Variants in DIAPH2 observed in about 807,000 individuals in gnomAD.
DIAPH2 encodes protein diaphanous homolog 2.
A neutral mutation model predicts 92.7 loss-of-function variants in DIAPH2; 35 were observed. The observed-to-expected ratio is 0.38, with a 90% CI of 0.29 to 0.50. DIAPH2 has a LOEUF of 0.50. DIAPH2 is among the 20% of genes least tolerant of loss of function. The probability of loss-of-function intolerance (pLI) is 0.94; values close to 1 mark genes in which losing one functional copy is unlikely to be tolerated. For missense variants in DIAPH2, 701 were observed against 819.5 expected (o/e 0.86, Z 1.77); for synonymous variants, 301 against 280.4 (o/e 1.07, Z -0.73).
intron 4 of DIAPH2, among the ~76,000 whole-genome samples, chrX:96,834,827 T>C (rs974171075): frequency 1.8e-5 from 2 of 111,720 alleles, no homozygotes; most frequent in South Asian, 3.7e-4. Context: ...GAAGGAGTTA[T>C]AAACATTGCC....
intron 24 of DIAPH2, among the ~76,000 whole-genome samples, chrX:97,373,826 C>T (rs188876954): frequency 3.7e-3 from 409 of 109,126 alleles, no homozygotes; most frequent in African/African-American, 0.013. Context: ...GGTTTCAAAC[C>T]CCTGACCTCA....
rs553157512 is a variant in DIAPH2, at chrX:97,303,013, A to G, written c.2845-45103A>G. On this transcript the variant is annotated intron_variant, in intron 23 of 26. Coordinates refer to ENST00000324765, the MANE Select transcript of DIAPH2 (RefSeq NM_006729.5). ...ACAAAAGATATCTCCTATACCTTGCATAAGCAAATGATGTGAGGAAAACTT... is the reference window on the plus strand; with the variant it reads ...ACAAAAGATATCTCCTATACCTTGCGTAAGCAAATGATGTGAGGAAAACTT... 1.3e-4 allele frequency among the ~76,000 whole-genome samples: 15 copies of G among 112,611 alleles called. No homozygotes were observed. The South Asian group carries it at 4.4e-3, about 33-fold the overall frequency.
At chrX:96,954,278 G>A (rs762093748) in intron 15 of DIAPH2, 41 of 112,231 alleles carry the variant, frequency 3.7e-4, no homozygotes, top group African/African-American at 1.3e-3. Context: ...GTGTTCATTG[G>A]TAGTGGTTTC....
At chrX:97,221,818 G>T (rs748833133) in intron 22 of DIAPH2, among the ~76,000 whole-genome samples, 5 of 109,115 alleles carry the variant, frequency 4.6e-5, no homozygotes, top group African/African-American at 6.7e-5. Flanking sequence ...CACTTTTCCC[G>T]CAATTTAACA....
chrX:97,031,395 T>A (rs899593673), intron 17 of DIAPH2, among the ~76,000 whole-genome samples: 1 of 110,319 alleles, frequency 9.1e-6, no homozygotes, highest in African/African-American at 3.3e-5. Context: ...TACAGAAAGT[T>A]GGAAAAATAA....
chrX:97,531,339 C>A, intron 26 of DIAPH2, among the ~76,000 whole-genome samples: 1 of 107,487 alleles, frequency 9.3e-6, no homozygotes, highest in Non-Finnish European at 1.9e-5. Context: ...TCTTTGTTTT[C>A]TAATAGAAGA....
intron 21 of DIAPH2, among the ~76,000 whole-genome samples, chrX:97,124,977 C>G (rs750773814): frequency 9.0e-5 from 10 of 110,648 alleles, no homozygotes; most frequent in African/African-American, 2.3e-4. Flanking sequence ...CAGATGAAGC[C>G]AAAAAGGGTG....
chrX:97,333,610 G>C (rs1420426415), intron 23 of DIAPH2, among the ~76,000 whole-genome samples: 1 of 108,907 alleles, frequency 9.2e-6, no homozygotes, highest in Non-Finnish European at 1.9e-5. Flanking sequence ...TGTCGCTCAG[G>C]CTGGAGTGGA....
chrX:97,238,118 C>CT lies in DIAPH2; in HGVS notation c.2720-9596dup, dbSNP rs772216939. Among the ~76,000 whole-genome samples, 27 of 112,275 alleles carry CT rather than the reference C, an allele frequency of 2.4e-4. No individual in the cohort carries two copies. The South Asian group carries it at 8.8e-3, about 37-fold the overall frequency. On this transcript the variant is annotated intron_variant, in intron 22 of 26. Coordinates refer to ENST00000324765, the MANE Select transcript of DIAPH2 (RefSeq NM_006729.5). ...TGGGATTCTTCAAGGGGCAGCTTGA[C>CT]TGTCTGTCCACTACTGTTGGTTTGG...
intron 4 of DIAPH2, among the ~76,000 whole-genome samples, chrX:96,761,078 A>G (rs2064265391): frequency 9.0e-6 from 1 of 111,295 alleles, no homozygotes; most frequent in Admixed American, 9.6e-5. Context: ...CTTTGTTAAT[A>G]TTGCAAAAGT....
intron 23 of DIAPH2, among the ~76,000 whole-genome samples, chrX:97,264,434 GACAC>G (rs371832874): frequency 1.3e-4 from 14 of 108,487 alleles, no homozygotes; most frequent in South Asian, 3.9e-4. Context: ...TAGACACACA[GACAC>G]ACACACACAC....
At chrX:97,075,100 A>C (rs2066696339) in intron 18 of DIAPH2, 67 bp from the exon 19 acceptor site, 1 of 674,789 alleles carries the variant, frequency 1.5e-6, no homozygotes, top group African/African-American at 2.3e-5. Context: ...AATGAAAATC[A>C]GACGTTTATT....
intron 23 of DIAPH2, among the ~76,000 whole-genome samples, chrX:97,308,117 A>G (rs1471984339): frequency 9.0e-6 from 1 of 110,520 alleles, no homozygotes; most frequent in Non-Finnish European, 1.9e-5. Flanking sequence ...TAGGTTTTTG[A>G]TATTGAAAGG....
chrX:97,047,542 C>CTTTTTTTTTTTTTTTT (rs5903064), intron 17 of DIAPH2, among the ~76,000 whole-genome samples: 4 of 30,105 alleles, frequency 1.3e-4, no homozygotes, highest in African/African-American at 4.7e-4. Context: ...ATAAAATAGG[C>CTTTTTTTTTTTTTTTT]TTTTTTTTTT....
At chrX:97,332,797 C>G (rs891451025) in intron 23 of DIAPH2, among the ~76,000 whole-genome samples, 1 of 111,298 alleles carries the variant, frequency 9.0e-6, no homozygotes, top group African/African-American at 3.3e-5. Context: ...TGAGAAACAT[C>G]GTCTCAGACA....
chrX:96,751,885 C>T (rs1353043701), intron 3 of DIAPH2, among the ~76,000 whole-genome samples: 2 of 96,839 alleles, frequency 2.1e-5, no homozygotes, highest in African/African-American at 7.0e-5. Flanking sequence ...GATCTCCTGA[C>T]CTCGTGATCC....
intron 4 of DIAPH2, among the ~76,000 whole-genome samples, chrX:96,812,986 A>C (rs1233130412): frequency 8.9e-6 from 1 of 111,806 alleles, no homozygotes; most frequent in East Asian, 2.8e-4. Context: ...GCTGAGAAGA[A>C]TGTGTATTCT....
chrX:97,256,679 G>A (rs1362935868), intron 23 of DIAPH2, among the ~76,000 whole-genome samples: 1 of 111,328 alleles, frequency 9.0e-6, no homozygotes, highest in Non-Finnish European at 1.9e-5. Flanking sequence ...TTGTTTGTTT[G>A]TTTGAGATGG....
intron 26 of DIAPH2, among the ~76,000 whole-genome samples, chrX:97,547,480 A>G (rs970686376): frequency 2.7e-5 from 3 of 112,094 alleles, no homozygotes; most frequent in African/African-American, 9.7e-5. Context: ...GATAATTGAG[A>G]GGTGTCAGCA....
Sources: gnomAD v4.1 joint callset for allele counts (sites outside exome capture counted in the v4.1 genomes callset) on GRCh38, gnomAD v4.1.1 for gene constraint, MANE v1.5 for transcripts, NCBI Gene and HGNC (gene_info 2026-07-23, HGNC 2026-07-21) for gene names.